Variants in CACNA2D3 observed in about 807,000 individuals in gnomAD.
The protein encoded by CACNA2D3 is voltage-dependent calcium channel subunit alpha-2/delta-3.
A neutral mutation model predicts 160.6 loss-of-function variants in CACNA2D3; 60 were observed. The observed-to-expected ratio is 0.37, with a 90% CI of 0.30 to 0.46. The LOEUF (loss-of-function observed/expected upper bound fraction) is 0.46, where lower values mean the gene tolerates loss of function less well. CACNA2D3 is among the 20% of genes least tolerant of loss of function. The probability of loss-of-function intolerance (pLI) is 1.00; values close to 1 mark genes in which losing one functional copy is unlikely to be tolerated. For synonymous variants in CACNA2D3, 558 were observed against 492.9 expected, an observed-to-expected ratio of 1.13 and a Z score of -1.75; for missense variants, 1,205 against 1,365.0, an observed-to-expected ratio of 0.88 and a Z score of 1.85.
chr3:54,378,444 C>G (rs945181478), intron 3 of CACNA2D3, among the ~76,000 whole-genome samples: 2 of 152,206 alleles, frequency 1.3e-5, no homozygotes, highest in African/African-American at 4.8e-5. Context: ...CAGTTCCTAA[C>G]AGGCCACCGA....
intron 2 of CACNA2D3, among the ~76,000 whole-genome samples, chr3:54,222,925 T>C (rs888508894): frequency 6.6e-6 from 1 of 152,234 alleles, no homozygotes; most frequent in Admixed American, 6.5e-5. Flanking sequence ...ATTACTGATA[T>C]GTTTGAGTTT....
intron 5 of CACNA2D3, among the ~76,000 whole-genome samples, chr3:54,553,168 G>C (rs1319654294): frequency 6.6e-6 from 1 of 152,172 alleles, no homozygotes; most frequent in East Asian, 1.9e-4. Flanking sequence ...TTTAGAGGAA[G>C]GGTAAATGTT....
intron 4 of CACNA2D3, among the ~76,000 whole-genome samples, chr3:54,394,236 C>G (rs976104975): frequency 6.6e-6 from 1 of 151,982 alleles, no homozygotes; most frequent in Admixed American, 6.6e-5. Context: ...CCCGGAGCGG[C>G]CTTAGCTGCT....
At chr3:54,706,220 C>A (rs1267785174) in intron 11 of CACNA2D3, among the ~76,000 whole-genome samples, 1 of 152,196 alleles carries the variant, frequency 6.6e-6, no homozygotes, top group Non-Finnish European at 1.5e-5. Context: ...CTTGCACTTT[C>A]TTCAGCTGAG....
rs772139043 is a variant in CACNA2D3 at position 55,009,354 on chromosome 3, G to A, written c.2820-34G>A. On this transcript the variant is annotated intron_variant, in intron 33 of 37. Transcript: ENST00000474759. ...GTTCTGTGATATGGGCATGGATGAC[G>A]AAGTAACATTGGGCTTTTCCACGAT... The A allele has an allele frequency of 4.4e-6, 7 of 1,597,726 alleles. No homozygotes were observed. The East Asian group carries it at 6.7e-5, about 15-fold the overall frequency.
chr3:54,969,911 C>A, intron 29 of CACNA2D3, 67 bp downstream of exon 29: 1 of 1,383,872 alleles, frequency 7.2e-7, no homozygotes, highest in Non-Finnish European at 1.0e-6. Flanking sequence ...GCTTTATGAC[C>A]GAGGGAATGC....
chr3:54,264,045 C>A (rs1190510752), intron 2 of CACNA2D3, among the ~76,000 whole-genome samples: 1 of 152,064 alleles, frequency 6.6e-6, no homozygotes, highest in Non-Finnish European at 1.5e-5. Context: ...AGGAAGAGAC[C>A]CAGCAGCATG....
intron 11 of CACNA2D3, among the ~76,000 whole-genome samples, chr3:54,658,194 T>C (rs892216399): frequency 1.3e-5 from 2 of 152,230 alleles, no homozygotes; most frequent in Non-Finnish European, 2.9e-5. Context: ...TTTGGACATA[T>C]ACCAAGAAGT....
intron 3 of CACNA2D3, among the ~76,000 whole-genome samples, chr3:54,374,524 C>T (rs1262063610): frequency 6.6e-6 from 1 of 152,200 alleles, no homozygotes. Context: ...ATGGACTTCA[C>T]TTTTAAAAAC....
chr3:54,811,201 A>G (rs1463555358), intron 13 of CACNA2D3, among the ~76,000 whole-genome samples: 1 of 152,126 alleles, frequency 6.6e-6, no homozygotes, highest in Non-Finnish European at 1.5e-5. Flanking sequence ...ACTTTTCTTA[A>G]TTTTGGACAA....
At chr3:54,676,189 C>T (rs1457172545) in intron 11 of CACNA2D3, among the ~76,000 whole-genome samples, 2 of 152,192 alleles carry the variant, frequency 1.3e-5, no homozygotes, top group Non-Finnish European at 2.9e-5. Flanking sequence ...TATAGCAGGC[C>T]CTCAATAAAT....
chr3:54,311,368 C>T (rs982152584), intron 2 of CACNA2D3, among the ~76,000 whole-genome samples: 2 of 152,166 alleles, frequency 1.3e-5, no homozygotes, highest in African/African-American at 4.8e-5. Context: ...CATAATGACT[C>T]ATGACCGTCT....
At chr3:54,983,477 A>G (rs1038656526) in intron 29 of CACNA2D3, among the ~76,000 whole-genome samples, 6 of 152,194 alleles carry the variant, frequency 3.9e-5, no homozygotes, top group African/African-American at 1.2e-4. Context: ...AGCTTCTTCA[A>G]ATAGCAAAGC....
At chr3:55,063,877 T>C (rs963211520) in intron 35 of CACNA2D3, among the ~76,000 whole-genome samples, 2 of 152,230 alleles carry the variant, frequency 1.3e-5, no homozygotes, top group African/African-American at 2.4e-5. Flanking sequence ...GTTGGCTTCA[T>C]AATTGGCCAG....
chr3:54,455,755 G>A (rs767752342), intron 4 of CACNA2D3, among the ~76,000 whole-genome samples: 28 of 151,932 alleles, frequency 1.8e-4, no homozygotes, highest in Admixed American at 1.7e-3. Flanking sequence ...TTTTCTATGT[G>A]GTGAGAGATA....
chr3:55,053,206 A>G (rs111563800), intron 35 of CACNA2D3, among the ~76,000 whole-genome samples: 5 of 152,104 alleles, frequency 3.3e-5, no homozygotes, highest in African/African-American at 9.6e-5. Flanking sequence ...TTTTGTCACT[A>G]TCGATGAGCT....
At chr3:54,254,183 T>A (rs898484321) in intron 2 of CACNA2D3, among the ~76,000 whole-genome samples, 1 of 152,208 alleles carries the variant, frequency 6.6e-6, no homozygotes, top group African/African-American at 2.4e-5. Context: ...TGAGAAGCAC[T>A]GCTTTGGGGA....
intron 2 of CACNA2D3, among the ~76,000 whole-genome samples, chr3:54,262,271 A>G (rs1354253288): frequency 2.0e-5 from 3 of 152,122 alleles, no homozygotes; most frequent in Non-Finnish European, 4.4e-5. Context: ...AAGGAAAGCT[A>G]TTTATTGTGT....
At chr3:54,775,964 C>T (rs1382040967) in intron 13 of CACNA2D3, among the ~76,000 whole-genome samples, 1 of 152,140 alleles carries the variant, frequency 6.6e-6, no homozygotes, top group African/African-American at 2.4e-5. Flanking sequence ...ACTTGCCATC[C>T]CCAGTCATCG....
Sources: allele counts gnomAD v4.1 joint callset (sites outside exome capture counted in the v4.1 genomes callset), GRCh38; gene constraint gnomAD v4.1.1; transcripts MANE v1.5; gene names NCBI Gene and HGNC (gene_info 2026-07-23, HGNC 2026-07-21).